The following DOCK3 variants were observed in gnomAD, a reference collection of about 807,000 sequenced individuals.
The protein encoded by DOCK3 is dedicator of cytokinesis protein 3.
DOCK3 carries 60 observed loss-of-function variants against 265.6 expected under a neutral mutation model. That is an observed-to-expected ratio of 0.23 (90% CI 0.18 to 0.28). The LOEUF (loss-of-function observed/expected upper bound fraction) is 0.28, where lower values mean the gene tolerates loss of function less well. Among genes scored for constraint, DOCK3 ranks in the 10% least tolerant of loss-of-function variants. The pLI, the probability that DOCK3 is intolerant of heterozygous loss-of-function variation, is 1.00. For missense variants in DOCK3, 1,981 were observed against 2,594.3 expected (o/e 0.76, Z 5.14); for synonymous variants, 881 against 938.0 (o/e 0.94, Z 1.11).
At chr3:50,939,888 T>C (rs188751558) in intron 5 of DOCK3, among the ~76,000 whole-genome samples, 55 of 152,182 alleles carry the variant, frequency 3.6e-4, no homozygotes, top group Non-Finnish European at 6.3e-4. Flanking sequence ...ACGAGAGATA[T>C]ACAGATAGAA....
At chr3:50,849,449 C>CTTTA (rs768802560) in intron 3 of DOCK3, among the ~76,000 whole-genome samples, 3 of 151,548 alleles carry the variant, frequency 2.0e-5, no homozygotes, top group Non-Finnish European at 4.4e-5. Context: ...TATACATTTG[C>CTTTA]TTTATTTATT....
rs549642693 is a variant in DOCK3, at chr3:50,922,260, C to T, written c.219-11721C>T. Among the ~76,000 whole-genome samples the T allele has an allele frequency of 3.3e-4, 51 of 152,350 alleles. 1 individual carries two copies. The highest frequency in any genetic ancestry group is 2.4e-3 in the Admixed American group (37 of 15,302). On this transcript the variant is annotated intron_variant, in intron 4 of 52. Transcript: ENST00000266037. ...CTACTCAAGCCTCAGCAATGGCAGACGCCCCTCCCCTGGCCTCACTGCCTC... is the reference window on the plus strand; with the variant it reads ...CTACTCAAGCCTCAGCAATGGCAGATGCCCCTCCCCTGGCCTCACTGCCTC...
Position 51,374,945 on chromosome 3 carries a change from G to A in DOCK3, c.5412+358G>A, listed in dbSNP as rs570584864. 8.7e-4 allele frequency among the ~76,000 whole-genome samples: 133 copies of A among 152,330 alleles called. 1 individual carries two copies. The highest frequency in any genetic ancestry group is 2.8e-3 in the Admixed American group (43 of 15,304). On this transcript the variant is annotated intron_variant, in intron 50 of 52. Transcript: ENST00000266037. The surrounding 1 kb of genome is among the most constrained non-coding windows in gnomAD (Gnocchi z 4.8). ...AAGGCAGTGGTGGACACATTGGTCT[G>A]GAAGATGTTCTTCCTCCCTATTTGT...
intron 9 of DOCK3, among the ~76,000 whole-genome samples, chr3:51,141,177 A>G (rs991112074): frequency 4.3e-5 from 5 of 116,898 alleles, no homozygotes; most frequent in African/African-American, 1.4e-4. Context: ...GAGAATTTAT[A>G]CCTATATTTT....
intron 9 of DOCK3, among the ~76,000 whole-genome samples, chr3:51,133,441 G>C (rs369514642): frequency 6.6e-6 from 1 of 151,774 alleles, no homozygotes; most frequent in East Asian, 2.0e-4. Context: ...GCGATAGTTT[G>C]CTCAGAATGA....
At chr3:50,982,596 C>CCTG (rs974826325) in intron 5 of DOCK3, among the ~76,000 whole-genome samples, 2 of 152,316 alleles carry the variant, frequency 1.3e-5, no homozygotes, top group Admixed American at 6.5e-5. Context: ...GCTGCTCTCA[C>CCTG]CTGCTGCTGC....
intron 9 of DOCK3, among the ~76,000 whole-genome samples, chr3:51,117,900 A>G (rs2083813753): frequency 6.6e-6 from 1 of 152,074 alleles, no homozygotes; most frequent in Non-Finnish European, 1.5e-5. Context: ...AATCTTTTCG[A>G]GAAACCAGCT....
intron 3 of DOCK3, among the ~76,000 whole-genome samples, chr3:50,845,484 C>T (rs917913002): frequency 8.6e-5 from 13 of 151,940 alleles, no homozygotes; most frequent in African/African-American, 3.1e-4. Flanking sequence ...CAAAAAATTG[C>T]AAGACATATT....
At chr3:51,176,778 G>A (rs2086982542) in intron 12 of DOCK3, among the ~76,000 whole-genome samples, 1 of 152,108 alleles carries the variant, frequency 6.6e-6, no homozygotes, top group Non-Finnish European at 1.5e-5. Flanking sequence ...ATGAACTAGT[G>A]AATCAAATAA....
chr3:50,681,592 A>T (rs563500433), intron 1 of DOCK3, among the ~76,000 whole-genome samples: 1 of 152,300 alleles, frequency 6.6e-6, no homozygotes, highest in South Asian at 2.1e-4. Flanking sequence ...TTAAAACCTT[A>T]AATTTTTTTT....
chr3:51,311,966 T>C, intron 28 of DOCK3, 38 bp from the exon 29 acceptor site: 2 of 1,490,476 alleles, frequency 1.3e-6, no homozygotes, highest in Non-Finnish European at 1.8e-6. Flanking sequence ...CCATTGTTAG[T>C]CTTTTAATTC....
chr3:51,305,452 A>ATCTAAAGTGTG (rs2082601683), intron 27 of DOCK3, among the ~76,000 whole-genome samples: 2 of 152,186 alleles, frequency 1.3e-5, no homozygotes, highest in Non-Finnish European at 2.9e-5. Flanking sequence ...GTACATTTGA[A>ATCTAAAGTGTG]TCTAAAGTGT....
intron 5 of DOCK3, among the ~76,000 whole-genome samples, chr3:51,008,411 G>C (rs138763723): frequency 1.3e-5 from 2 of 151,940 alleles, no homozygotes; most frequent in Non-Finnish European, 2.9e-5. Context: ...GAGTTCACTC[G>C]TGATTTGGCT....
intron 29 of DOCK3, 125 bp from the exon 30 acceptor site, chr3:51,312,351 A>G: frequency 2.1e-6 from 2 of 962,774 alleles, no homozygotes; most frequent in Non-Finnish European, 3.1e-6. Flanking sequence ...GATATTTAAA[A>G]GGGAAAAAAA....
At chr3:51,052,449 G>A (rs1310411352) in intron 5 of DOCK3, among the ~76,000 whole-genome samples, 3 of 152,160 alleles carry the variant, frequency 2.0e-5, no homozygotes, top group African/African-American at 7.2e-5. Context: ...GCAGTGAGCC[G>A]TGATTGTGCC....
rs149799554 is a variant in DOCK3 at position 51,178,605 on chromosome 3, A to G, written c.1037+17903A>G. On this transcript the variant is annotated intron_variant, in intron 12 of 52. Transcript: ENST00000266037. ...GGACCTTGGAAGAGTCTCTGCCTCC[A>G]GCTCTTTACTGTTCCAGAAAGCCCA... 3.6e-4 allele frequency among the ~76,000 whole-genome samples: 55 copies of G among 152,308 alleles called. No individual in the cohort carries two copies. In the East Asian group the frequency reaches 0.01, roughly 29 times the overall value.
chr3:50,685,913 A>G (rs1275577851), intron 1 of DOCK3: 1 of 152,300 alleles, frequency 6.6e-6, no homozygotes, highest in Non-Finnish European at 1.5e-5. Context: ...GTTTTGTAGG[A>G]GTTCTTTATA....
At chr3:50,721,125 C>T (rs913028526) in intron 1 of DOCK3, among the ~76,000 whole-genome samples, 1 of 151,932 alleles carries the variant, frequency 6.6e-6, no homozygotes, top group African/African-American at 2.4e-5. Flanking sequence ...GCATAGTTTG[C>T]AGATATTTTC....
chr3:51,016,564 T>TATATATG (rs1491567321), intron 5 of DOCK3, among the ~76,000 whole-genome samples: 6 of 75,828 alleles, frequency 7.9e-5, no homozygotes, highest in Non-Finnish European at 1.4e-4. Context: ...TATCATATAT[T>TATATATG]ATATATATAT....
Sources: gnomAD v4.1 joint callset for allele counts (sites outside exome capture counted in the v4.1 genomes callset) on GRCh38, gnomAD v4.1.1 for gene constraint, Gnocchi (gnomAD v3.1) non-coding constraint, MANE v1.5 for transcripts, NCBI Gene and HGNC (gene_info 2026-07-23, HGNC 2026-07-21) for gene names.